HDAC9: variants seen among roughly 807,000 people sequenced by gnomAD.
HDAC9 encodes the protein histone deacetylase 9.
HDAC9 carries 41 observed loss-of-function variants against 139.4 expected under a neutral mutation model. The ratio of observed to expected loss-of-function variants is 0.29; its 90% CI spans 0.23 to 0.38. The LOEUF (loss-of-function observed/expected upper bound fraction) is 0.38, where lower values mean the gene tolerates loss of function less well. Among genes scored for constraint, HDAC9 ranks in the 10% least tolerant of loss-of-function variants. HDAC9 has a pLI of 1.00. For missense variants in HDAC9, 1,147 were observed against 1,297.0 expected (o/e 0.88, Z 1.78); for synonymous variants, 517 against 476.2 (o/e 1.09, Z -1.12).
chr7:18,307,097 T>TTGTGTGTGTGTGTGTGTG (rs56020648), intron 1 of HDAC9, among the ~76,000 whole-genome samples: 4 of 134,808 alleles, frequency 3.0e-5, no homozygotes, highest in Non-Finnish European at 6.3e-5. Flanking sequence ...AGGGCAGTTC[T>TTGTGTGTGTGTGTGTGTG]TGTGTGTGTG....
Position 18,666,209 on chromosome 7 carries a change from C to G in HDAC9, c.1468-4C>G. 3.1e-6 allele frequency: 5 copies of G among 1,607,886 alleles called. No individual in the cohort carries two copies. Among genetic ancestry groups the G allele is most frequent in the Non-Finnish European group, 4.3e-6 (5 of 1,176,226 alleles). ...ATTTTGAACCCCTGAACACTCTCTT[C>G]TAGCTGCTTTCGAAATCTATTGAAC... On this transcript the variant is annotated splice_polypyrimidine_tract_variant and splice_region_variant and intron_variant, in intron 11 of 25. Coordinates refer to ENST00000686413, the MANE Select transcript of HDAC9 (RefSeq NM_178425.4).
chr7:18,382,333 C>T (rs1048978730), intron 1 of HDAC9, among the ~76,000 whole-genome samples: 3 of 152,188 alleles, frequency 2.0e-5, no homozygotes, highest in African/African-American at 7.2e-5. Context: ...AAAGTTGCCA[C>T]CTCCACCATG....
intron 12 of HDAC9, among the ~76,000 whole-genome samples, chr7:18,686,718 A>G (rs545481541): frequency 2.6e-5 from 4 of 151,916 alleles, no homozygotes; most frequent in Non-Finnish European, 5.9e-5. Context: ...TGAAATTTTA[A>G]CTCTGTCAAC....
chr7:18,320,245 G>C (rs1799934492), intron 1 of HDAC9, among the ~76,000 whole-genome samples: 1 of 152,146 alleles, frequency 6.6e-6, no homozygotes, highest in South Asian at 2.1e-4. Flanking sequence ...ATACTTGATT[G>C]TACTGTATTT....
At chr7:18,397,186 G>C (rs533673500) in intron 1 of HDAC9, among the ~76,000 whole-genome samples, 1 of 152,244 alleles carries the variant, frequency 6.6e-6, no homozygotes, top group East Asian at 1.9e-4. Flanking sequence ...ATGTGTGGAC[G>C]AGAGAATACG....
intron 22 of HDAC9, among the ~76,000 whole-genome samples, chr7:18,909,640 A>AT: frequency 6.6e-6 from 1 of 152,076 alleles, no homozygotes; most frequent in African/African-American, 2.4e-5. Context: ...CTATTTATCT[A>AT]TTTTTTAAAT....
intron 11 of HDAC9, among the ~76,000 whole-genome samples, chr7:18,658,208 C>G (rs540450144): frequency 2.6e-5 from 4 of 152,082 alleles, no homozygotes; most frequent in Non-Finnish European, 5.9e-5. Flanking sequence ...TTCTGCCTCC[C>G]CTACTGTGTG....
At chr7:18,786,585 G>GTCCTTCCTTC (rs1791777644) in intron 16 of HDAC9, among the ~76,000 whole-genome samples, 1 of 53,232 alleles carries the variant, frequency 1.9e-5, no homozygotes, top group African/African-American at 6.3e-5. Context: ...TGGCTGGCTG[G>GTCCTTCCTTC]CTTCCTTCCT....
intron 22 of HDAC9, among the ~76,000 whole-genome samples, chr7:18,901,209 T>G (rs932944100): frequency 9.6e-6 from 1 of 104,478 alleles, no homozygotes; most frequent in African/African-American, 4.7e-5. Context: ...TATATATACA[T>G]ATATATATAT....
intron 16 of HDAC9, among the ~76,000 whole-genome samples, chr7:18,782,811 C>A: frequency 6.6e-6 from 1 of 151,880 alleles, no homozygotes; most frequent in East Asian, 1.9e-4. Flanking sequence ...AACAATAATC[C>A]TATGAGGAAG....
intron 11 of HDAC9, among the ~76,000 whole-genome samples, chr7:18,665,792 G>A (rs549102022): frequency 2.6e-5 from 4 of 152,034 alleles, no homozygotes; most frequent in Non-Finnish European, 2.9e-5. Flanking sequence ...TTTAACATTC[G>A]TTGAAAAATG....
intron 12 of HDAC9, among the ~76,000 whole-genome samples, chr7:18,687,801 ATTATGTTT>A (rs1782382038): frequency 6.6e-6 from 1 of 151,794 alleles, no homozygotes; most frequent in South Asian, 2.1e-4. Flanking sequence ...GACATATTTT[ATTATGTTT>A]TTTCACAAGG....
chr7:18,180,226 TACACAC>T (rs67304424), intron 2 of HDAC9, among the ~76,000 whole-genome samples: 4,928 of 120,660 alleles, frequency 0.041, 82 homozygotes, highest in African/African-American at 0.045. Flanking sequence ...CCAAGACACA[TACACAC>T]ACACACACAC....
At position 18,857,335 on chromosome 7, in the gene HDAC9, T is replaced by TTGTGTGTGTGTGTGTGTGTGTGTG. The variant is rs375575248; in HGVS notation, c.2685-17137_2685-17114dup. On this transcript the variant is annotated intron_variant, in intron 21 of 25. Coordinates refer to ENST00000686413, the MANE Select transcript of HDAC9 (RefSeq NM_178425.4). ...TATTGTTTCACAAAATATGTTTTAG[T>TTGTGTGTGTGTGTGTGTGTGTGTG]TGTGTGTGTGTGTGTGTGTGTGTGT... is the stretch of plus-strand genomic sequence containing the variant. Among the ~76,000 whole-genome samples the TTGTGTGTGTGTGTGTGTGTGTGTG allele has an allele frequency of 3.6e-3, 501 of 140,928 alleles. 5 individuals carry two copies. The highest frequency in any genetic ancestry group is 0.013 in the African/African-American group (469 of 36,934). 92.5% of individuals were successfully genotyped at this position (140,928 alleles called of 152,430 possible).
At chr7:18,269,237 A>C (rs1796195705) in intron 2 of HDAC9, among the ~76,000 whole-genome samples, 1 of 152,186 alleles carries the variant, frequency 6.6e-6, no homozygotes, top group Non-Finnish European at 1.5e-5. Context: ...TATATAAATA[A>C]AACTCTAAAC....
At chr7:18,243,745 A>G (rs927003189) in intron 2 of HDAC9, among the ~76,000 whole-genome samples, 1 of 152,252 alleles carries the variant, frequency 6.6e-6, no homozygotes, top group Admixed American at 6.5e-5. Flanking sequence ...ACACAGTGGT[A>G]TCAATAAAAT....
intron 2 of HDAC9, among the ~76,000 whole-genome samples, chr7:18,177,170 A>G (rs1788984944): frequency 6.6e-6 from 1 of 152,184 alleles, no homozygotes; most frequent in Admixed American, 6.5e-5. Flanking sequence ...TTTGGGGTCT[A>G]TATAAGTAAG....
chr7:18,328,498 A>T (rs1043229212), intron 1 of HDAC9, among the ~76,000 whole-genome samples: 9 of 151,898 alleles, frequency 5.9e-5, no homozygotes, highest in Non-Finnish European at 1.0e-4. Context: ...ACGTAAACCC[A>T]CTCTGTGCTA....
At chr7:18,969,240 G>T (rs763336416) in intron 24 of HDAC9, among the ~76,000 whole-genome samples, 4 of 152,088 alleles carry the variant, frequency 2.6e-5, no homozygotes, top group African/African-American at 7.2e-5. Flanking sequence ...GGAATAGTTT[G>T]CATTAGCCGG....
Sources: gnomAD v4.1 joint callset for allele counts (sites outside exome capture counted in the v4.1 genomes callset) on GRCh38, gnomAD v4.1.1 for gene constraint, MANE v1.5 for transcripts, NCBI Gene and HGNC (gene_info 2026-07-23, HGNC 2026-07-21) for gene names.